Variants in RFX4 observed in about 807,000 individuals in gnomAD.
RFX4 encodes the protein transcription factor RFX4.
In RFX4, 10 loss-of-function variants were observed where a neutral mutation model predicts 95.0. The observed-to-expected ratio is 0.11, with a 90% CI of 0.06 to 0.18. RFX4 has a LOEUF of 0.18. RFX4 is among the 10% of genes least tolerant of loss of function. RFX4 has a pLI of 1.00. For synonymous variants in RFX4, 321 were observed against 340.7 expected (o/e 0.94, Z 0.64); for missense variants, 640 against 922.0 (o/e 0.69, Z 3.96).
In RFX4 at chr12:106,678,533, G is replaced by T. The variant is rs374151803; in HGVS notation, c.316-3460G>T. Among the ~76,000 whole-genome samples, 6 of 152,204 alleles carry T rather than the reference G, an allele frequency of 3.9e-5. No individual in the cohort carries two copies. The East Asian group carries it at 1.2e-3, about 29-fold the overall frequency. Reference sequence around the variant, plus strand: ...TATAACACTCTGGTAGATTTTAGGTGCTTCTTCCAAGATTATCTTGAACTT... The same window carrying T: ...TATAACACTCTGGTAGATTTTAGGTTCTTCTTCCAAGATTATCTTGAACTT... On this transcript the variant is annotated intron_variant, in intron 4 of 17. Transcript: ENST00000392842.
intron 15 of RFX4, 62 bp from the exon 16 acceptor site, chr12:106,747,375 T>C: frequency 1.3e-6 from 2 of 1,570,540 alleles, no homozygotes; most frequent in Non-Finnish European, 1.7e-6. Context: ...GCCACTAAAG[T>C]AAGGAAGAAC....
chr12:106,660,383 C>T (rs1242923725), intron 4 of RFX4, among the ~76,000 whole-genome samples: 1 of 151,870 alleles, frequency 6.6e-6, no homozygotes, highest in Non-Finnish European at 1.5e-5. Flanking sequence ...ATCCCCCTCT[C>T]TCAGCCCACA....
chr12:106,659,934 C>T (rs1292318943), intron 4 of RFX4, among the ~76,000 whole-genome samples: 1 of 152,160 alleles, frequency 6.6e-6, no homozygotes, highest in East Asian at 1.9e-4. Context: ...CTGGTGATCT[C>T]CTAGGTGATG....
intron 1 of RFX4, among the ~76,000 whole-genome samples, chr12:106,606,976 G>C (rs372898115): frequency 1.3e-5 from 2 of 152,104 alleles, no homozygotes; most frequent in African/African-American, 4.8e-5. Flanking sequence ...CTAAATCCCA[G>C]TTGCTTTCTA....
intron 9 of RFX4, 71 bp downstream of exon 9, chr12:106,709,501 T>C (rs2042152238): frequency 8.4e-7 from 1 of 1,197,138 alleles, no homozygotes; most frequent in South Asian, 1.4e-5. Context: ...ACATAAGTTG[T>C]TAATAGTAGC....
At chr12:106,655,853 C>T (rs571783314) in intron 4 of RFX4, among the ~76,000 whole-genome samples, 15 of 152,286 alleles carry the variant, frequency 9.8e-5, no homozygotes, top group Non-Finnish European at 1.9e-4. Context: ...ATTTATTAAG[C>T]ACCTACCATG....
At chr12:106,647,011 A>G (rs1018371289) in intron 3 of RFX4, among the ~76,000 whole-genome samples, 1 of 152,180 alleles carries the variant, frequency 6.6e-6, no homozygotes, top group African/African-American at 2.4e-5. Flanking sequence ...GGAGTTTTCT[A>G]GACTTAGCCT....
intron 1 of RFX4, among the ~76,000 whole-genome samples, chr12:106,608,069 T>TGTTA (rs2039875237): frequency 1.3e-5 from 2 of 152,164 alleles, no homozygotes; most frequent in Non-Finnish European, 2.9e-5. Flanking sequence ...GGCGGGTGCC[T>TGTTA]TCCCAGCTAC....
rs577121192 is a variant in RFX4, at chr12:106,718,845, G to T, written c.1139-1115G>T. Among the ~76,000 whole-genome samples, 525 of 151,980 alleles carry T rather than the reference G, an allele frequency of 3.5e-3. 3 individuals carry two copies. The highest frequency in any genetic ancestry group is 0.011 in the African/African-American group (438 of 41,446). ...AGCACTTCCAGCCGGGCGTGGTGGT[G>T]CACGCCTGTAATCCCAGCACTTTGG... On this transcript the variant is annotated intron_variant, in intron 11 of 17. Transcript: ENST00000392842.
At chr12:106,664,031 C>G (rs1323156687) in intron 4 of RFX4, among the ~76,000 whole-genome samples, 1 of 151,218 alleles carries the variant, frequency 6.6e-6, no homozygotes, top group Non-Finnish European at 1.5e-5. Flanking sequence ...TTTTTTAATG[C>G]CTTTTATCTG....
At chr12:106,658,795 C>T (rs1401143811) in intron 4 of RFX4, among the ~76,000 whole-genome samples, 2 of 152,154 alleles carry the variant, frequency 1.3e-5, no homozygotes, top group African/African-American at 4.8e-5. Flanking sequence ...GATGTGCTCT[C>T]TAGCCAACCT....
intron 1 of RFX4, among the ~76,000 whole-genome samples, chr12:106,600,753 C>A (rs186872166): frequency 6.6e-6 from 1 of 152,166 alleles, no homozygotes; most frequent in Non-Finnish European, 1.5e-5. Context: ...CCTCCCGCTT[C>A]GTCATGCTGG....
chr12:106,614,084 A>T (rs896741759), intron 2 of RFX4, among the ~76,000 whole-genome samples: 5 of 151,752 alleles, frequency 3.3e-5, no homozygotes, highest in African/African-American at 1.2e-4. Context: ...TTTTGGTTGC[A>T]TTTTTTCTGA....
Position 106,583,210 on chromosome 12 carries a change from C to G in RFX4, c.-111C>G, listed in dbSNP as rs754771583. On this transcript the variant is annotated 5_prime_UTR_variant, in exon 1 of 18. Coordinates refer to ENST00000392842, the MANE Select transcript of RFX4 (RefSeq NM_213594.3). Reference sequence around the variant, plus strand: ...GTGCCCCCTCACTTTCTGCGTCTCTCTCTCTCCCCTTCTCCCTCCCTCCCT... The same window carrying G: ...GTGCCCCCTCACTTTCTGCGTCTCTGTCTCTCCCCTTCTCCCTCCCTCCCT... The G allele has an allele frequency of 6.6e-5, 64 of 976,956 alleles. No individual in the cohort carries two copies. Among genetic ancestry groups the G allele is most frequent in the Non-Finnish European group, 9.0e-5 (61 of 675,022 alleles). The allele number at this position is 976,956 out of a possible 1,614,324, so 60.5% of individuals were successfully genotyped here.
intron 15 of RFX4, among the ~76,000 whole-genome samples, chr12:106,733,836 C>T (rs141814166): frequency 6.6e-6 from 1 of 152,308 alleles, no homozygotes; most frequent in East Asian, 1.9e-4. Context: ...GATACACACC[C>T]AAAAGAAGGC....
At chr12:106,645,837 G>A (rs1001502981) in intron 3 of RFX4, 1 of 1,138,556 alleles carries the variant, frequency 8.8e-7, no homozygotes, top group Admixed American at 2.3e-5. Flanking sequence ...TAAAAAGGGA[G>A]GCTGAACACT....
chr12:106,659,498 C>A (rs1396072906), intron 4 of RFX4, among the ~76,000 whole-genome samples: 2 of 152,172 alleles, frequency 1.3e-5, no homozygotes, highest in African/African-American at 4.8e-5. Context: ...TATTAATAGG[C>A]AATTTTTTAA....
intron 8 of RFX4, among the ~76,000 whole-genome samples, chr12:106,704,548 T>C (rs1048682840): frequency 2.0e-5 from 3 of 152,190 alleles, no homozygotes; most frequent in African/African-American, 7.2e-5. Context: ...AAGTTCTCAC[T>C]CATGACCCTG....
At chr12:106,699,301 G>T (rs188644655) in intron 8 of RFX4, among the ~76,000 whole-genome samples, 517 of 152,148 alleles carry the variant, frequency 3.4e-3, no homozygotes, top group African/African-American at 0.012. Context: ...CTTTTAAGTT[G>T]ATACTTGTTT....
Sources: allele counts gnomAD v4.1 joint callset (sites outside exome capture counted in the v4.1 genomes callset), GRCh38; gene constraint gnomAD v4.1.1; transcripts MANE v1.5; gene names NCBI Gene and HGNC (gene_info 2026-07-23, HGNC 2026-07-21).